Variants in PTPRT observed in about 807,000 individuals in gnomAD.
PTPRT encodes the protein protein tyrosine phosphatase receptor type T.
In PTPRT, 56 loss-of-function variants were observed where a neutral mutation model predicts 176.8. The observed-to-expected ratio is 0.32, with a 90% CI of 0.26 to 0.40. The LOEUF (loss-of-function observed/expected upper bound fraction) is 0.40. PTPRT is among the 10% of genes least tolerant of loss of function. PTPRT has a pLI of 1.00. For missense variants in PTPRT, 1,540 were observed against 1,908.2 expected, an observed-to-expected ratio of 0.81 and a Z score of 3.60; for synonymous variants, 783 against 739.0, an observed-to-expected ratio of 1.06 and a Z score of -0.96.
intron 9 of PTPRT, among the ~76,000 whole-genome samples, chr20:42,409,615 T>C (rs2058994558): frequency 1.3e-5 from 2 of 151,934 alleles, no homozygotes; most frequent in Non-Finnish European, 2.9e-5. Flanking sequence ...TGGAGCAGTC[T>C]GAAATAAATT....
chr20:42,675,584 A>C (rs986556419), intron 7 of PTPRT, among the ~76,000 whole-genome samples: 1 of 152,228 alleles, frequency 6.6e-6, no homozygotes, highest in Non-Finnish European at 1.5e-5. Context: ...TCATCTTCTT[A>C]AGCTTATTCA....
rs529378501 is a variant in PTPRT at position 42,452,514 on chromosome 20, G to A, written c.1451-4185C>T. ...ATCTACCAAAAGTGTAGTGGGGGAC[G>A]AATTACATCAAGAATTTGGAAAGAC... is the stretch of plus-strand genomic sequence containing the variant. On this transcript the variant is annotated intron_variant, in intron 8 of 30. Transcript: ENST00000373187. Among the ~76,000 whole-genome samples, 151 of 152,090 alleles carry A rather than the reference G, an allele frequency of 9.9e-4. 1 individual carries two copies. Among genetic ancestry groups the A allele is most frequent in the Admixed American group, 8.5e-3 (130 of 15,264 alleles).
chr20:42,040,494 C>T, the PTPRT span, among the ~76,000 whole-genome samples: 2 of 152,056 alleles, frequency 1.3e-5, no homozygotes, highest in African/African-American at 4.8e-5. Context: ...GGAGGATTAA[C>T]CTTCTCTAAA....
chr20:42,465,477 T>C (rs2071088218), intron 8 of PTPRT, among the ~76,000 whole-genome samples: 1 of 152,142 alleles, frequency 6.6e-6, no homozygotes, highest in South Asian at 2.1e-4. Context: ...CATAGTGTCA[T>C]AAAAAATAAA....
In PTPRT at chr20:42,776,872, T is replaced by C. The variant is rs553734110; in HGVS notation, c.568+3346A>G. On this transcript the variant is annotated intron_variant, in intron 4 of 30. Coordinates refer to ENST00000373187, the MANE Select transcript of PTPRT (RefSeq NM_007050.6). ...AATGCTTGTACAATTATATAATATATAGATTATAATAATATAATCATATAA... is the reference window on the plus strand; with the variant it reads ...AATGCTTGTACAATTATATAATATACAGATTATAATAATATAATCATATAA... 1.6e-3 allele frequency among the ~76,000 whole-genome samples: 233 copies of C among 149,486 alleles called. 1 individual carries two copies. The highest frequency in any genetic ancestry group is 5.5e-3 in the African/African-American group (224 of 41,014).
At chr20:42,444,843 A>C (rs1248814013) in intron 9 of PTPRT, among the ~76,000 whole-genome samples, 1 of 152,228 alleles carries the variant, frequency 6.6e-6, no homozygotes, top group African/African-American at 2.4e-5. Flanking sequence ...ATTGCCTCAT[A>C]AACACATGCT....
chr20:42,637,837 A>G (rs539140799), intron 7 of PTPRT, among the ~76,000 whole-genome samples: 4 of 152,286 alleles, frequency 2.6e-5, no homozygotes, highest in South Asian at 4.1e-4. Context: ...CTGCAAATAT[A>G]TTAGCCAGCC....
intron 7 of PTPRT, among the ~76,000 whole-genome samples, chr20:42,612,190 C>T (rs1468710194): frequency 6.6e-6 from 1 of 152,168 alleles, no homozygotes; most frequent in Admixed American, 6.5e-5. Flanking sequence ...ACACAGTTCC[C>T]TACTCTCCCA....
chr20:42,039,292 G>A, the PTPRT span, among the ~76,000 whole-genome samples: 1 of 152,024 alleles, frequency 6.6e-6, no homozygotes, highest in Non-Finnish European at 1.5e-5. Context: ...TGGTAAAATG[G>A]CTAAATAAAG....
At chr20:42,880,889 C>T (rs145753838) in intron 2 of PTPRT, among the ~76,000 whole-genome samples, 1 of 152,280 alleles carries the variant, frequency 6.6e-6, no homozygotes, top group Non-Finnish European at 1.5e-5. Context: ...CTTTCAATGG[C>T]AAATAACAGT....
intron 29 of PTPRT, among the ~76,000 whole-genome samples, chr20:42,082,576 C>T (rs962770763): frequency 6.6e-6 from 1 of 152,188 alleles, no homozygotes; most frequent in African/African-American, 2.4e-5. Flanking sequence ...GAGGTAGGAA[C>T]TTGGAGGGAG....
intron 1 of PTPRT, among the ~76,000 whole-genome samples, chr20:43,092,731 A>ATAAC (rs1303892822): frequency 6.6e-6 from 1 of 152,224 alleles, no homozygotes; most frequent in Non-Finnish European, 1.5e-5. Flanking sequence ...TTCCAGCAAC[A>ATAAC]TAACAGATAA....
intron 9 of PTPRT, among the ~76,000 whole-genome samples, chr20:42,358,766 A>G (rs1003122018): frequency 6.6e-6 from 1 of 152,216 alleles, no homozygotes; most frequent in Non-Finnish European, 1.5e-5. Context: ...TGAGAAGAAG[A>G]AGATACGCTT....
At chr20:42,459,769 C>A (rs1338691395) in intron 8 of PTPRT, among the ~76,000 whole-genome samples, 3 of 152,154 alleles carry the variant, frequency 2.0e-5, no homozygotes, top group East Asian at 1.9e-4. Flanking sequence ...TGGCTCACTG[C>A]AGCCTTGACC....
intron 3 of PTPRT, 42 bp from the exon 4 acceptor site, chr20:42,780,341 G>A (rs747373248): frequency 3.2e-5 from 49 of 1,508,250 alleles, no homozygotes; most frequent in Non-Finnish European, 3.9e-5. Context: ...AGAAACAGTT[G>A]CAGGCATTCA....
intron 1 of PTPRT, among the ~76,000 whole-genome samples, chr20:43,115,420 CTT>C (rs2013022541): frequency 2.6e-5 from 4 of 152,288 alleles, no homozygotes; most frequent in Middle Eastern, 3.4e-3. Context: ...GAGTTCTCCA[CTT>C]TGTTCAAGCC....
At chr20:42,519,038 G>C (rs917912663) in intron 7 of PTPRT, among the ~76,000 whole-genome samples, 1 of 151,942 alleles carries the variant, frequency 6.6e-6, no homozygotes, top group South Asian at 2.1e-4. Flanking sequence ...TGTCCTGATC[G>C]AGTTCTTCAT....
intron 1 of PTPRT, among the ~76,000 whole-genome samples, chr20:42,953,930 G>A (rs1272370155): frequency 1.3e-5 from 2 of 152,064 alleles, no homozygotes; most frequent in African/African-American, 2.4e-5. Flanking sequence ...CCCCAGAATG[G>A]CCATATATCC....
In PTPRT at chr20:42,448,265, C is replaced by A; in HGVS notation, c.1515G>T (p.Gln505His). The change falls in exon 9 of 31, where the codon CAG becomes CAT. Residue 505 changes from glutamine to histidine, a missense_variant. Gln to His is a conservative substitution (Grantham distance 24, BLOSUM62 0). Transcript: ENST00000373187. ...CATTGGTCTCATTGGGAGGTTTCCA[C>A]TGGATGTAGATCTTCTCCTCAAAGG... ...GGPFEEKIYI[Q>H]WKPPNETNGV... 6.2e-7 allele frequency: 1 copy of A among 1,613,616 alleles called. No homozygotes were observed. The highest frequency in any genetic ancestry group is 8.5e-7 in the Non-Finnish European group (1 of 1,179,580).
Sources: allele counts gnomAD v4.1 joint callset (sites outside exome capture counted in the v4.1 genomes callset), GRCh38; gene constraint gnomAD v4.1.1; transcripts MANE v1.5; gene names NCBI Gene and HGNC (gene_info 2026-07-23, HGNC 2026-07-21).